Variants in C18orf32 observed in about 807,000 individuals in gnomAD.
C18orf32 encodes chromosome 18 open reading frame 32.
In C18orf32, 5 loss-of-function variants were observed where a neutral mutation model predicts 7.4. That is an observed-to-expected ratio of 0.68 (90% confidence interval 0.35 to 1.42). The LOEUF is 1.42. Among genes scored for constraint, C18orf32 ranks in the 40% most tolerant of loss-of-function variants. The pLI, the probability that C18orf32 is intolerant of heterozygous loss-of-function variation, is 0.04. For synonymous variants in C18orf32, 30 were observed against 29.3 expected (o/e 1.02, Z -0.08); for missense variants, 88 against 92.4 (o/e 0.95, Z 0.19).
chr18:49,480,631 C>T lies in C18orf32; in HGVS notation c.*1714G>A, dbSNP rs2083652759. On this transcript the variant is annotated 3_prime_UTR_variant, in exon 3 of 3. Transcript: ENST00000318240. ...AAAATTACAAAAAACATTAGCTGGG[C>T]ATGGTGGTGTGCACCTGTAGTCCCA... The T allele has an allele frequency of 6.6e-6, 1 of 152,104 alleles. No individual in the cohort carries two copies. The highest frequency in any genetic ancestry group is 2.4e-5 in the African/African-American group (1 of 41,384). 9.4% of individuals were successfully genotyped at this position (152,104 alleles called of 1,614,324 possible). A position where few individuals can be genotyped will look rare whatever the true frequency, so the allele number is the denominator to read the frequency against.
At position 49,483,463 on chromosome 18, in the gene C18orf32, C is replaced by T. The variant is rs1389274103; in HGVS notation, c.165+121G>A. 3.9e-6 allele frequency: 5 copies of T among 1,287,086 alleles called. No individual in the cohort carries two copies. The East Asian group carries it at 1.2e-4, about 32-fold the overall frequency. 79.7% of individuals were successfully genotyped at this position (1,287,086 alleles called of 1,614,324 possible). A position where few individuals can be genotyped will look rare whatever the true frequency, so the allele number is the denominator to read the frequency against. On this transcript the variant is annotated intron_variant, in intron 2 of 2. Coordinates refer to ENST00000318240, the MANE Select transcript of C18orf32 (RefSeq NM_001035005.4). The stretch of plus-strand genomic sequence containing the variant: ...GCCTACTTTAAAACTTTAATTTAAG[C>T]CAAATGTTACACAAACTATTGAAGC...
intron 2 of C18orf32, among the ~76,000 whole-genome samples, chr18:49,483,154 C>G (rs1452218781): frequency 6.6e-6 from 1 of 152,112 alleles, no homozygotes. Flanking sequence ...ATTTTGCTTC[C>G]AGAAACGGGC....
Position 49,483,567 on chromosome 18 carries a change from C to T in C18orf32, c.165+17G>A, listed in dbSNP as rs1266492468. On this transcript the variant is annotated intron_variant, in intron 2 of 2. Transcript: ENST00000318240. ...CCCCTTTCACTGCTCTTATTCAAGG[C>T]ATGTGAATGTTCTTACCTTAAAGTT... 1.3e-6 allele frequency: 2 copies of T among 1,579,878 alleles called. No individual in the cohort carries two copies. The highest frequency in any genetic ancestry group is 4.6e-5 in the East Asian group (2 of 43,918).
In C18orf32 at chr18:49,477,799, A is replaced by AAAAAT. The variant is rs760268884; in HGVS notation, c.*4545_*4546insATTTT. Reference sequence around the variant, plus strand: ...TTCCAAAAACAAACAAACAAACAAAAATATATATATATACACACACTATAT... The same window carrying AAAAAT: ...TTCCAAAAACAAACAAACAAACAAAAAAAATATATATATATATACACACACTATAT... On this transcript the variant is annotated 3_prime_UTR_variant, in exon 3 of 3. Coordinates refer to ENST00000318240, the MANE Select transcript of C18orf32 (RefSeq NM_001035005.4). The AAAAAT allele has an allele frequency of 8.0e-4, 113 of 140,650 alleles. 7 individuals are homozygous for AAAAAT. The highest frequency in any genetic ancestry group is 2.1e-3 in the African/African-American group (73 of 34,318). 8.7% of individuals were successfully genotyped at this position (140,650 alleles called of 1,614,324 possible). A position where few individuals can be genotyped will look rare whatever the true frequency, so the allele number is the denominator to read the frequency against.
intron 1 of C18orf32, chr18:49,484,604 A>C (rs923255227): frequency 1.3e-5 from 2 of 152,090 alleles, no homozygotes; most frequent in Non-Finnish European, 2.9e-5. Flanking sequence ...AAGAAATAAT[A>C]GGTGGTAGGC....
At position 49,481,254 on chromosome 18, in the gene C18orf32, G is replaced by A. The variant is rs1304317745; in HGVS notation, c.*1091C>T. Reference sequence around the variant, plus strand: ...CCAGCCACAGAACTTAATAGAGCCTGAGTTAGGACCCAGACTTCATTAGGG... The same window carrying A: ...CCAGCCACAGAACTTAATAGAGCCTAAGTTAGGACCCAGACTTCATTAGGG... On this transcript the variant is annotated 3_prime_UTR_variant, in exon 3 of 3. Transcript: ENST00000318240. 1 of 56,248 alleles carries A rather than the reference G, an allele frequency of 1.8e-5. No individual in the cohort carries two copies. Among genetic ancestry groups the A allele is most frequent in the East Asian group, 6.1e-4 (1 of 1,640 alleles). 3.5% of individuals were successfully genotyped at this position (56,248 alleles called of 1,614,324 possible).
In C18orf32 at chr18:49,480,758, G is replaced by A. The variant is rs552726646; in HGVS notation, c.*1587C>T. On this transcript the variant is annotated 3_prime_UTR_variant, in exon 3 of 3. Transcript: ENST00000318240. The stretch of plus-strand genomic sequence containing the variant: ...TGCACTCCAGCTTGAGTGACAGAGT[G>A]AGACCCTGTCTCAAAAACATAAATA... 3 of 152,310 alleles carry A rather than the reference G, an allele frequency of 2.0e-5. No homozygotes were observed. Among genetic ancestry groups the A allele is most frequent in the South Asian group, 2.1e-4 (1 of 4,830 alleles). The allele number at this position is 152,310 out of a possible 1,614,324, so 9.4% of individuals were successfully genotyped here. A position where few individuals can be genotyped will look rare whatever the true frequency, so the allele number is the denominator to read the frequency against.
At chr18:49,484,598 A>T (rs1172717154) in intron 1 of C18orf32, 1 of 151,838 alleles carries the variant, frequency 6.6e-6, no homozygotes, top group Non-Finnish European at 1.5e-5. Flanking sequence ...AAAATAAAGA[A>T]ATAATAGGTG....
At chr18:49,484,428 TAA>T (rs2083712503) in intron 1 of C18orf32, 1 of 151,484 alleles carries the variant, frequency 6.6e-6, no homozygotes, top group Non-Finnish European at 1.5e-5. Flanking sequence ...CTGTCTCTAC[TAA>T]AAATACAAAA....
intron 1 of C18orf32, chr18:49,486,288 T>C (rs2083743597): frequency 6.6e-6 from 1 of 152,098 alleles, no homozygotes; most frequent in African/African-American, 2.4e-5. Context: ...TCAAAACAAC[T>C]GACAATGCTA....
chr18:49,479,145 A>G lies in C18orf32; in HGVS notation c.*3200T>C, dbSNP rs1568493305. Reference sequence around the variant, plus strand: ...TTAGGAGACCCGCAGCTCTCTGGAAAACAGGCTTAAATAAATTGGAATCAT... The same window carrying G: ...TTAGGAGACCCGCAGCTCTCTGGAAGACAGGCTTAAATAAATTGGAATCAT... On this transcript the variant is annotated 3_prime_UTR_variant, in exon 3 of 3. Coordinates refer to ENST00000318240, the MANE Select transcript of C18orf32 (RefSeq NM_001035005.4). 6.6e-6 allele frequency: 1 copy of G among 152,230 alleles called. No homozygotes were observed. Among genetic ancestry groups the G allele is most frequent in the African/African-American group, 2.4e-5 (1 of 41,458 alleles). 9.4% of individuals were successfully genotyped at this position (152,230 alleles called of 1,614,324 possible). A position where few individuals can be genotyped will look rare whatever the true frequency, so the allele number is the denominator to read the frequency against.
Position 49,481,994 on chromosome 18 carries a change from T to A in C18orf32, c.*351A>T, listed in dbSNP as rs569062307. The A allele has an allele frequency of 4.5e-6, 1 of 221,328 alleles. No individual in the cohort carries two copies. Among genetic ancestry groups the A allele is most frequent in the Admixed American group, 5.8e-5 (1 of 17,232 alleles). The allele number at this position is 221,328 out of a possible 1,614,324, so 13.7% of individuals were successfully genotyped here. On this transcript the variant is annotated 3_prime_UTR_variant, in exon 3 of 3. Coordinates refer to ENST00000318240, the MANE Select transcript of C18orf32 (RefSeq NM_001035005.4). ...TCAAATTAGAAGAGCCCAAAGAAAT[T>A]AGAGCAAACAGCAAATTCATATGAA...
intron 2 of C18orf32, among the ~76,000 whole-genome samples, chr18:49,482,737 CAAA>C (rs11454919): frequency 8.2e-6 from 1 of 122,414 alleles, no homozygotes; most frequent in Non-Finnish European, 1.7e-5. Context: ...AAAACAAAAA[CAAA>C]AAAAAAAAAA....
chr18:49,486,364 GT>G (rs1234943845), intron 1 of C18orf32: 2 of 152,090 alleles, frequency 1.3e-5, no homozygotes, highest in Non-Finnish European at 2.9e-5. Context: ...CTGCAATTGT[GT>G]TTTAAGTAAG....
Position 49,483,649 on chromosome 18 carries a change from G to C in C18orf32, c.100C>G (p.Arg34Gly). The C allele has an allele frequency of 3.1e-6, 5 of 1,613,378 alleles. No homozygotes were observed. Among genetic ancestry groups the C allele is most frequent in the Non-Finnish European group, 4.2e-6 (5 of 1,179,916 alleles). ...IYPLVSPFVS[R>G]IWPKKAIQES... is the part of the protein sequence containing the mutation. ...TGTATTGCTTTCTTAGGCCATATACGACTAACGAAGGGGGAAACCAGAGGG... is the reference window on the plus strand; with the variant it reads ...TGTATTGCTTTCTTAGGCCATATACCACTAACGAAGGGGGAAACCAGAGGG... The change falls in exon 2 of 3, where the codon CGT becomes GGT. Residue 34 changes from arginine (R) to glycine (G), a missense_variant. By Grantham distance (125) the Arg-to-Gly change is moderately radical. Transcript: ENST00000318240.
rs2083669183 is a variant in C18orf32, at chr18:49,482,187, T to C, written c.*158A>G. The C allele has an allele frequency of 1.6e-6, 1 of 636,516 alleles. No homozygotes were observed. The highest frequency in any genetic ancestry group is 2.8e-6 in the Non-Finnish European group (1 of 358,474). The allele number at this position is 636,516 out of a possible 1,614,324, so 39.4% of individuals were successfully genotyped here. ...TAAATATAACTAACTACATTTTAAA[T>C]ACGGATATCATATATTTCCTGATTA... On this transcript the variant is annotated 3_prime_UTR_variant, in exon 3 of 3. Coordinates refer to ENST00000318240, the MANE Select transcript of C18orf32 (RefSeq NM_001035005.4).
intron 2 of C18orf32, among the ~76,000 whole-genome samples, chr18:49,483,047 T>G (rs565103699): frequency 7.9e-5 from 12 of 152,172 alleles, no homozygotes; most frequent in African/African-American, 2.9e-4. Context: ...GATCAACCCA[T>G]CTTGACCTCC....
In C18orf32 at chr18:49,480,126, G is replaced by A. The variant is rs1209403525; in HGVS notation, c.*2219C>T. On this transcript the variant is annotated 3_prime_UTR_variant, in exon 3 of 3. Transcript: ENST00000318240. The stretch of plus-strand genomic sequence containing the variant: ...GATCACTTTGAGGCCAGGAGTTTGA[G>A]ACTCGCTTGGGCAACAGAGCAAGAC... 1 of 152,206 alleles carries A rather than the reference G, an allele frequency of 6.6e-6. No homozygotes were observed. Among genetic ancestry groups the A allele is most frequent in the Non-Finnish European group, 1.5e-5 (1 of 68,172 alleles). The allele number at this position is 152,206 out of a possible 1,614,324, so 9.4% of individuals were successfully genotyped here.
In C18orf32 at chr18:49,478,650, T is replaced by C. The variant is rs1255241448; in HGVS notation, c.*3695A>G. ...ACACCCATGAACAGTGCAGGTACAA[T>C]GTGTTTAACAAAGGGTAGCTCTTAC... is the stretch of plus-strand genomic sequence containing the variant. On this transcript the variant is annotated 3_prime_UTR_variant, in exon 3 of 3. Transcript: ENST00000318240. 3 of 150,320 alleles carry C rather than the reference T, an allele frequency of 2.0e-5. No homozygotes were observed. The East Asian group carries it at 5.8e-4, about 29-fold the overall frequency. 9.3% of individuals were successfully genotyped at this position (150,320 alleles called of 1,614,324 possible). A position where few individuals can be genotyped will look rare whatever the true frequency, so the allele number is the denominator to read the frequency against.
Sources: allele counts gnomAD v4.1 joint callset (sites outside exome capture counted in the v4.1 genomes callset), GRCh38; gene constraint gnomAD v4.1.1; transcripts MANE v1.5; gene names NCBI Gene and HGNC (gene_info 2026-07-23, HGNC 2026-07-21).